Variants in ARHGAP29 observed in about 807,000 individuals in gnomAD.
ARHGAP29 encodes rho GTPase-activating protein 29.
A neutral mutation model predicts 122.6 loss-of-function variants in ARHGAP29; 43 were observed. The observed-to-expected ratio is 0.35, with a 90% CI of 0.27 to 0.45. ARHGAP29 has a LOEUF of 0.45. Ranked by LOEUF, ARHGAP29 falls within the 20% of genes least tolerant of loss-of-function variation. ARHGAP29 has a pLI of 1.00. For synonymous variants in ARHGAP29, 506 were observed against 497.1 expected (o/e 1.02, Z -0.24); for missense variants, 1,303 against 1,477.2 (o/e 0.88, Z 1.93).
At chr1:94,180,393 CT>C (rs1270586487) in intron 19 of ARHGAP29, among the ~76,000 whole-genome samples, 1 of 152,182 alleles carries the variant, frequency 6.6e-6, no homozygotes, top group Non-Finnish European at 1.5e-5. Flanking sequence ...CAAGAAGACA[CT>C]GTTAACATTT....
At chr1:94,282,679 G>C in the ARHGAP29 span, among the ~76,000 whole-genome samples, 2 of 152,118 alleles carry the variant, frequency 1.3e-5, no homozygotes, top group African/African-American at 2.4e-5. Context: ...ATCTGTCAGG[G>C]CCTCTAACCC....
At chr1:94,259,479 A>G (rs181899240) in intron 1 of ARHGAP29, among the ~76,000 whole-genome samples, 8 of 152,346 alleles carry the variant, frequency 5.3e-5, no homozygotes, top group Non-Finnish European at 8.8e-5. Context: ...AGATATAATT[A>G]GTTCTAATGA....
At chr1:94,185,110 A>C (rs1570497326) in intron 17 of ARHGAP29, 50 bp from the exon 18 acceptor site, 1 of 1,500,998 alleles carries the variant, frequency 6.7e-7, no homozygotes, top group East Asian at 2.3e-5. Context: ...ACTATTCACA[A>C]CTGGGCAAAC....
rs150563998 is a variant in ARHGAP29 at position 94,244,773 on chromosome 1, CA to C, written c.-32-13131del. On this transcript the variant is annotated intron_variant and NMD_transcript_variant, in intron 1 of 25. Coordinates refer to the ARHGAP29 transcript ENST00000552844. ...TATACACTAACAACAAACAATTGAA[CA>C]AAAAAATTTAAAACTTCTGCTCTTT... Among the ~76,000 whole-genome samples, 1,347 of 151,862 alleles carry C rather than the reference CA, an allele frequency of 8.9e-3. 21 individuals carry two copies. Among genetic ancestry groups the C allele is most frequent in the African/African-American group, 0.031 (1,305 of 41,456 alleles).
intron 15 of ARHGAP29, among the ~76,000 whole-genome samples, chr1:94,188,428 TTC>T (rs1649939568): frequency 6.6e-6 from 1 of 151,992 alleles, no homozygotes; most frequent in African/African-American, 2.4e-5. Flanking sequence ...GCTACCTACA[TTC>T]ACATAGATCT....
chr1:94,194,285 T>A (rs1281908148), intron 12 of ARHGAP29: 3 of 152,210 alleles, frequency 2.0e-5, no homozygotes, highest in Non-Finnish European at 2.9e-5. Flanking sequence ...TTCAGGTAAC[T>A]AGTAATCTCA....
intron 13 of ARHGAP29, among the ~76,000 whole-genome samples, chr1:94,189,664 A>G (rs1650017502): frequency 6.6e-6 from 1 of 152,140 alleles, no homozygotes; most frequent in Non-Finnish European, 1.5e-5. Flanking sequence ...CCTTCAAAAC[A>G]TGTATGGCCA....
At chr1:94,298,460 G>A in the ARHGAP29 span, among the ~76,000 whole-genome samples, 3 of 152,118 alleles carry the variant, frequency 2.0e-5, no homozygotes, top group East Asian at 1.9e-4. Context: ...AACTTTTAAC[G>A]ATTGCAAGAG....
At chr1:94,189,090 T>C in intron 14 of ARHGAP29, 126 bp downstream of exon 14, 1 of 1,372,388 alleles carries the variant, frequency 7.3e-7, no homozygotes, top group Non-Finnish European at 9.9e-7. Context: ...CAACTGTGAA[T>C]AAGATCTCAT....
At chr1:94,275,967 A>AAT (rs1192597573), upstream of ARHGAP29, among the ~76,000 whole-genome samples, 1 of 151,910 alleles carries the variant, frequency 6.6e-6, no homozygotes, top group African/African-American at 2.4e-5. Flanking sequence ...TAAAAAAAAA[A>AAT]AGTTTTGGGG....
the ARHGAP29 span, among the ~76,000 whole-genome samples, chr1:94,310,488 A>G: frequency 1.8e-3 from 272 of 152,332 alleles, no homozygotes; most frequent in African/African-American, 4.9e-3. Flanking sequence ...TATGAGGACC[A>G]CTAAAGGAAC....
chr1:94,215,440 T>G (rs903148711), intron 3 of ARHGAP29, among the ~76,000 whole-genome samples: 1 of 151,798 alleles, frequency 6.6e-6, no homozygotes, highest in East Asian at 1.9e-4. Flanking sequence ...TCATAAAAAC[T>G]ATAATAAAAA....
At chr1:94,178,346 T>A (rs1649243024) in intron 20 of ARHGAP29, among the ~76,000 whole-genome samples, 179 bp from the exon 21 acceptor site, 1 of 152,062 alleles carries the variant, frequency 6.6e-6, no homozygotes. Flanking sequence ...CCAAATAGAG[T>A]TTCACAGTTT....
chr1:94,300,588 T>C, the ARHGAP29 span, among the ~76,000 whole-genome samples: 1 of 152,370 alleles, frequency 6.6e-6, no homozygotes, highest in Non-Finnish European at 1.5e-5. Context: ...TACTAATCTC[T>C]ATTATCTTCA....
chr1:94,314,044 C>T, the ARHGAP29 span, among the ~76,000 whole-genome samples: 2 of 152,154 alleles, frequency 1.3e-5, no homozygotes, highest in Non-Finnish European at 2.9e-5. Context: ...TTAATGGGTG[C>T]AGCAAACCAA....
chr1:94,246,813 A>G (rs969888695), intron 1 of ARHGAP29, among the ~76,000 whole-genome samples: 5 of 151,988 alleles, frequency 3.3e-5, no homozygotes, highest in African/African-American at 9.7e-5. Context: ...GGTAGGTGCA[A>G]TCTCCCAGCT....
At chr1:94,240,420 CT>C (rs1444131524), upstream of ARHGAP29, among the ~76,000 whole-genome samples, 6 of 152,246 alleles carry the variant, frequency 3.9e-5, no homozygotes, top group East Asian at 1.2e-3. Flanking sequence ...TTAATCTCCC[CT>C]GACTTGATTT....
intron 1 of ARHGAP29, among the ~76,000 whole-genome samples, chr1:94,256,906 C>T (rs1463710599): frequency 6.6e-6 from 1 of 151,896 alleles, no homozygotes; most frequent in Non-Finnish European, 1.5e-5. Context: ...TATTTTACTT[C>T]GTGTATGTTT....
chr1:94,173,458 A>G lies in ARHGAP29; in HGVS notation c.*411T>C, dbSNP rs946280093. 3.8e-5 allele frequency: 6 copies of G among 157,902 alleles called. No individual in the cohort carries two copies. The highest frequency in any genetic ancestry group is 1.2e-4 in the African/African-American group (5 of 41,532). The allele number at this position is 157,902 out of a possible 1,614,324, so 9.8% of individuals were successfully genotyped here. ...TCTTTTTAGGCACTTGCATTCAGAA[A>G]CATTCCTTTTATAAATAAGCACTTA... is the stretch of plus-strand genomic sequence containing the variant. On this transcript the variant is annotated 3_prime_UTR_variant, in exon 23 of 23. Transcript: ENST00000260526.
Sources: allele counts gnomAD v4.1 joint callset (sites outside exome capture counted in the v4.1 genomes callset), GRCh38; gene constraint gnomAD v4.1.1; transcripts MANE v1.5; gene names NCBI Gene and HGNC (gene_info 2026-07-23, HGNC 2026-07-21).